TNR: variants seen among roughly 807,000 people sequenced by gnomAD.
The protein encoded by TNR is tenascin-R.
A neutral mutation model predicts 150.4 loss-of-function variants in TNR; 45 were observed. That is an observed-to-expected ratio of 0.30 (90% CI 0.24 to 0.38). The LOEUF (loss-of-function observed/expected upper bound fraction) is 0.38, where lower values mean the gene tolerates loss of function less well. TNR is among the 10% of genes least tolerant of loss of function. The pLI is 1.00. For missense variants in TNR, 1,544 were observed against 1,759.1 expected (o/e 0.88, Z 2.19); for synonymous variants, 687 against 678.4 (o/e 1.01, Z -0.20).
At chr1:175,452,848 T>C (rs1656386976) in intron 2 of TNR, among the ~76,000 whole-genome samples, 1 of 152,172 alleles carries the variant, frequency 6.6e-6, no homozygotes, top group Non-Finnish European at 1.5e-5. Context: ...GTGGCATATA[T>C]ATACCATAGC....
At chr1:175,662,480 A>G (rs1309821252) in intron 1 of TNR, among the ~76,000 whole-genome samples, 2 of 152,158 alleles carry the variant, frequency 1.3e-5, no homozygotes, top group South Asian at 2.1e-4. Flanking sequence ...GGCCTCCCCT[A>G]GGGCCCCAGC....
chr1:175,468,502 G>A (rs908020047), intron 2 of TNR, among the ~76,000 whole-genome samples: 3 of 152,194 alleles, frequency 2.0e-5, no homozygotes, highest in Non-Finnish European at 2.9e-5. Flanking sequence ...CCCAAGGAGC[G>A]TAGAATGTTG....
intron 2 of TNR, among the ~76,000 whole-genome samples, chr1:175,477,161 G>T (rs1174480680): frequency 2.6e-5 from 4 of 152,138 alleles, no homozygotes; most frequent in Admixed American, 2.0e-4. Flanking sequence ...ATACAGATTT[G>T]AGGTATTATT....
chr1:175,663,852 T>C (rs1665453463), intron 1 of TNR, among the ~76,000 whole-genome samples: 1 of 152,166 alleles, frequency 6.6e-6, no homozygotes, highest in Non-Finnish European at 1.5e-5. Context: ...TATCACCCAA[T>C]TGACAGGAAG....
chr1:175,424,059 C>G (rs1654866892), intron 2 of TNR, among the ~76,000 whole-genome samples: 1 of 152,148 alleles, frequency 6.6e-6, no homozygotes, highest in Non-Finnish European at 1.5e-5. Context: ...ATAACTAGAA[C>G]ATACAGAAAG....
intron 20 of TNR, among the ~76,000 whole-genome samples, chr1:175,331,078 C>T (rs56032857): frequency 0.3 from 17,050 of 57,526 alleles, 3,026 homozygotes; most frequent in East Asian, 0.38. Context: ...TCTTTCTTTC[C>T]TTCTTTCTTT....
At chr1:175,582,972 G>C (rs1300043312) in intron 1 of TNR, among the ~76,000 whole-genome samples, 2 of 151,526 alleles carry the variant, frequency 1.3e-5, no homozygotes, top group Non-Finnish European at 2.9e-5. Context: ...ATGCAAAAAA[G>C]CCCCCCCAAC....
chr1:175,544,090 T>C (rs1404761181), intron 1 of TNR, among the ~76,000 whole-genome samples: 2 of 152,170 alleles, frequency 1.3e-5, no homozygotes, highest in Non-Finnish European at 2.9e-5. Flanking sequence ...ATGAAAAACC[T>C]TGAATGCCAC....
At chr1:175,601,229 G>A (rs1663222929) in intron 1 of TNR, among the ~76,000 whole-genome samples, 1 of 152,252 alleles carries the variant, frequency 6.6e-6, no homozygotes. Context: ...TTGCTCTGCA[G>A]CGGGTAGAGT....
At chr1:175,554,219 G>T (rs540615441) in intron 1 of TNR, among the ~76,000 whole-genome samples, 3 of 151,842 alleles carry the variant, frequency 2.0e-5, no homozygotes, top group Admixed American at 1.3e-4. Flanking sequence ...AGAGTCAAAG[G>T]TGCTATCATT....
chr1:175,568,650 G>C (rs1467672936), intron 1 of TNR, among the ~76,000 whole-genome samples: 1 of 152,072 alleles, frequency 6.6e-6, no homozygotes, highest in Non-Finnish European at 1.5e-5. Context: ...ATCCAATCCT[G>C]GATCAATTGC....
intron 1 of TNR, among the ~76,000 whole-genome samples, chr1:175,567,040 C>T (rs897729875): frequency 6.6e-6 from 1 of 152,120 alleles, no homozygotes; most frequent in African/African-American, 2.4e-5. Context: ...CCCTGTTTCC[C>T]TCAGCCTGAG....
intron 1 of TNR, among the ~76,000 whole-genome samples, chr1:175,580,968 CTG>C (rs1662329162): frequency 6.6e-6 from 1 of 152,198 alleles, no homozygotes; most frequent in South Asian, 2.1e-4. Context: ...AAAACAAAAA[CTG>C]TGTGAAAAGG....
At chr1:175,637,394 T>C (rs1361727874) in intron 1 of TNR, among the ~76,000 whole-genome samples, 2 of 152,208 alleles carry the variant, frequency 1.3e-5, no homozygotes, top group African/African-American at 4.8e-5. Context: ...TTTTAAGCCA[T>C]TTAGTTTCTC....
At chr1:175,608,579 T>G (rs954089840) in intron 1 of TNR, among the ~76,000 whole-genome samples, 1 of 152,158 alleles carries the variant, frequency 6.6e-6, no homozygotes, top group African/African-American at 2.4e-5. Context: ...TGGATAAAAC[T>G]GAAAGATGAT....
At position 175,490,336 on chromosome 1, in the gene TNR, C is replaced by T. The variant is rs147320576; in HGVS notation, c.-64+37933G>A. On this transcript the variant is annotated intron_variant, in intron 2 of 22. Transcript: ENST00000367674. ...AGGCAAAGATTCCATGATGAAAATGCGAAAAGCAATTGCAACAGAAGCAAA... is the reference window on the plus strand; with the variant it reads ...AGGCAAAGATTCCATGATGAAAATGTGAAAAGCAATTGCAACAGAAGCAAA... 3.5e-4 allele frequency among the ~76,000 whole-genome samples: 54 copies of T among 152,256 alleles called. 1 individual carries two copies. The East Asian group carries it at 6.7e-3, about 19-fold the overall frequency.
At chr1:175,693,810 C>T (rs775271219) in intron 1 of TNR, among the ~76,000 whole-genome samples, 20 of 152,202 alleles carry the variant, frequency 1.3e-4, no homozygotes, top group Non-Finnish European at 2.9e-5. Flanking sequence ...TTGCATGTGT[C>T]CAGCACGAGG....
chr1:175,449,196 G>A (rs1312034930), intron 2 of TNR, among the ~76,000 whole-genome samples: 3 of 152,234 alleles, frequency 2.0e-5, no homozygotes, highest in Admixed American at 1.3e-4. Context: ...GATGACATCT[G>A]CAGACCTCCA....
At chr1:175,333,312 T>C (rs759662164) in intron 20 of TNR, 4 of 152,244 alleles carry the variant, frequency 2.6e-5, no homozygotes, top group Admixed American at 1.3e-4. Flanking sequence ...TGATAGTTTA[T>C]GTATTTCAGA....
Sources: gnomAD v4.1 joint callset for allele counts (sites outside exome capture counted in the v4.1 genomes callset) on GRCh38, gnomAD v4.1.1 for gene constraint, MANE v1.5 for transcripts, NCBI Gene and HGNC (gene_info 2026-07-23, HGNC 2026-07-21) for gene names.